TACR1: variants seen among roughly 807,000 people sequenced by gnomAD.
TACR1 encodes substance-P receptor.
A neutral mutation model predicts 35.8 loss-of-function variants in TACR1; 25 were observed. The observed-to-expected ratio is 0.70, with a 90% CI of 0.51 to 0.98. The LOEUF (loss-of-function observed/expected upper bound fraction) is 0.98. Among genes scored for constraint, TACR1 ranks in the 50% least tolerant of loss-of-function variants. The pLI is 0.00. For missense variants in TACR1, 478 were observed against 522.9 expected, an observed-to-expected ratio of 0.91 and a Z score of 0.84; for synonymous variants, 195 against 206.7, an observed-to-expected ratio of 0.94 and a Z score of 0.48.
intron 1 of TACR1, among the ~76,000 whole-genome samples, chr2:75,125,278 G>T (rs1276450792): frequency 6.6e-6 from 1 of 151,818 alleles, no homozygotes; most frequent in Non-Finnish European, 1.5e-5. Context: ...CTGCCTCCCG[G>T]GTTCCAGCAA....
At chr2:75,094,182 A>C (rs1366217590) in intron 2 of TACR1, among the ~76,000 whole-genome samples, 2 of 152,168 alleles carry the variant, frequency 1.3e-5, no homozygotes, top group African/African-American at 4.8e-5. Flanking sequence ...GCCATGGGGA[A>C]AAAAGCTCTA....
chr2:75,084,774 T>C (rs1673159797), intron 2 of TACR1, among the ~76,000 whole-genome samples: 1 of 152,200 alleles, frequency 6.6e-6, no homozygotes, highest in Non-Finnish European at 1.5e-5. Context: ...GGTGGTGATA[T>C]CCCCTTTATC....
chr2:75,109,945 T>G (rs912891615), intron 2 of TACR1, among the ~76,000 whole-genome samples: 7 of 152,180 alleles, frequency 4.6e-5, no homozygotes, highest in African/African-American at 1.4e-4. Context: ...TTAAAAAATG[T>G]TGTTTTTAAA....
At chr2:75,115,480 T>G (rs1480741959) in intron 2 of TACR1, among the ~76,000 whole-genome samples, 1 of 152,176 alleles carries the variant, frequency 6.6e-6, no homozygotes, top group Non-Finnish European at 1.5e-5. Context: ...CTATAGGTAT[T>G]CTTGCATGAT....
At chr2:75,171,324 T>C (rs759770836) in intron 1 of TACR1, among the ~76,000 whole-genome samples, 23 of 152,166 alleles carry the variant, frequency 1.5e-4, no homozygotes, top group Non-Finnish European at 2.9e-4. Context: ...AAGTCAAGAA[T>C]TGATGTTTGG....
At position 75,049,696 on chromosome 2, in the gene TACR1, G is replaced by A. The variant is rs376667754; in HGVS notation, c.960C>T (p.Phe320=). 5.6e-6 allele frequency: 9 copies of A among 1,613,750 alleles called. No homozygotes were observed. The African/African-American group carries it at 9.3e-5, about 17-fold the overall frequency. ...DRFRLGFKHA[F]RCCPFISAGD... is the part of the protein sequence containing the mutation. ...CGGCGCTGATGAAGGGGCAGCACCG[G>A]AAGGCATGCTTGAAGCCCAGACGGA... Residue 320 remains phenylalanine (F), a synonymous_variant, in exon 5 of 5, where the codon TTC becomes TTT. Coordinates refer to ENST00000305249, the MANE Select transcript of TACR1 (RefSeq NM_001058.4).
chr2:75,127,303 A>G (rs1008126990), intron 1 of TACR1, among the ~76,000 whole-genome samples: 1 of 152,310 alleles, frequency 6.6e-6, no homozygotes, highest in East Asian at 1.9e-4. Context: ...CAAAGCTATA[A>G]CCAAAGAGGC....
intron 1 of TACR1, among the ~76,000 whole-genome samples, chr2:75,130,102 A>G (rs752555209): frequency 6.6e-6 from 1 of 152,176 alleles, no homozygotes; most frequent in Non-Finnish European, 1.5e-5. Context: ...GCATTGTTTG[A>G]TATCTTAATG....
chr2:75,133,718 A>G (rs765418161), intron 1 of TACR1, among the ~76,000 whole-genome samples: 3 of 152,116 alleles, frequency 2.0e-5, no homozygotes, highest in Non-Finnish European at 4.4e-5. Flanking sequence ...ACATATAAAC[A>G]TATATATTTG....
At chr2:75,113,026 G>A (rs1176581597) in intron 2 of TACR1, among the ~76,000 whole-genome samples, 1 of 152,164 alleles carries the variant, frequency 6.6e-6, no homozygotes, top group African/African-American at 2.4e-5. Context: ...TAATAAATGA[G>A]CAAGATTTCC....
chr2:75,070,444 C>A lies in TACR1; in HGVS notation c.585-16689G>T, dbSNP rs1300972024. 2.6e-5 allele frequency among the ~76,000 whole-genome samples: 4 copies of A among 152,256 alleles called. No individual in the cohort carries two copies. In the East Asian group the frequency reaches 7.7e-4, roughly 29 times the overall value. On this transcript the variant is annotated intron_variant, in intron 2 of 4. Transcript: ENST00000305249. ...CCTTGTTAACTTTTCTAAATGAAAT[C>A]ATGTTGATTATGCCATTTCTTCCCA...
In TACR1 at chr2:75,198,623, G is replaced by C. The variant is rs759800948; in HGVS notation, c.312C>G (p.Tyr104Ter). Residue 104 changes from tyrosine (Y) to a stop codon, truncating the protein, a stop_gained, in exon 1 of 5, where the codon TAC becomes TAG. Coordinates refer to ENST00000305249, the MANE Select transcript of TACR1 (RefSeq NM_001058.4). LOFTEE classifies it high-confidence loss of function. Reference sequence around the variant, plus strand: ...TGGGAAAGAAGTTGTGGAACTTGCAGTAGAACAGGCCGTAGTACCATTCGT... The same window carrying C: ...TGGGAAAGAAGTTGTGGAACTTGCACTAGAACAGGCCGTAGTACCATTCGT... The part of the protein sequence containing the change: ...VHNEWYYGLF[Y>*]CKFHNFFPIA... 3.1e-6 allele frequency: 5 copies of C among 1,614,212 alleles called. No homozygotes were observed. The South Asian group carries it at 5.5e-5, about 18-fold the overall frequency.
In TACR1 at chr2:75,198,686, T is replaced by G; in HGVS notation, c.249A>C (p.Ala83=). The G allele has an allele frequency of 6.2e-7, 1 of 1,614,216 alleles. No homozygotes were observed. The highest frequency in any genetic ancestry group is 8.5e-7 in the Non-Finnish European group (1 of 1,180,036). ...AGGTGAAGTTCACCACTGTATTGAA[T>G]GCAGCCATGGAGGCCTCCGCGAAGG... ...NLAFAEASMA[A]FNTVVNFTYA... The change falls in exon 1 of 5, where the codon GCA becomes GCC. Residue 83 remains alanine, a synonymous_variant. Coordinates refer to ENST00000305249, the MANE Select transcript of TACR1 (RefSeq NM_001058.4).
chr2:75,064,080 A>G (rs895998744), intron 2 of TACR1, among the ~76,000 whole-genome samples: 1 of 146,268 alleles, frequency 6.8e-6, no homozygotes, highest in Non-Finnish European at 1.5e-5. Flanking sequence ...TTTCTTGGGC[A>G]GCAGTGTTAG....
At chr2:75,063,757 C>T (rs112848365) in intron 2 of TACR1, among the ~76,000 whole-genome samples, 13 of 152,278 alleles carry the variant, frequency 8.5e-5, no homozygotes, top group African/African-American at 3.1e-4. Flanking sequence ...GGATAGAAAC[C>T]GACCTGGATT....
At chr2:75,187,689 G>A (rs1230597546) in intron 1 of TACR1, 1 of 152,220 alleles carries the variant, frequency 6.6e-6, no homozygotes, top group Non-Finnish European at 1.5e-5. Flanking sequence ...AAATTGGATT[G>A]GCTGTGAAGG....
intron 1 of TACR1, among the ~76,000 whole-genome samples, chr2:75,162,158 C>T (rs1412865091): frequency 1.3e-5 from 2 of 151,572 alleles, no homozygotes; most frequent in African/African-American, 4.9e-5. Context: ...AGAATGGAAG[C>T]CAAAGAATGT....
At chr2:75,146,758 A>G (rs978414265) in intron 1 of TACR1, among the ~76,000 whole-genome samples, 7 of 152,368 alleles carry the variant, frequency 4.6e-5, no homozygotes, top group African/African-American at 1.7e-4. Context: ...GCAGTAAAAA[A>G]GTGTGATAAT....
intron 2 of TACR1, among the ~76,000 whole-genome samples, chr2:75,055,618 G>A (rs1377365613): frequency 6.6e-6 from 1 of 152,238 alleles, no homozygotes; most frequent in Non-Finnish European, 1.5e-5. Context: ...CAGACTAATA[G>A]TTTGTGACCA....
Sources: gnomAD v4.1 joint callset for allele counts (sites outside exome capture counted in the v4.1 genomes callset) on GRCh38, gnomAD v4.1.1 for gene constraint, MANE v1.5 for transcripts, NCBI Gene and HGNC (gene_info 2026-07-23, HGNC 2026-07-21) for gene names.